The following CCDC18 variants were observed in gnomAD, a reference collection of about 807,000 sequenced individuals.
CCDC18 encodes coiled-coil domain containing 18.
CCDC18 carries 157 observed loss-of-function variants against 196.0 expected under a neutral mutation model. The ratio of observed to expected loss-of-function variants is 0.80; its 90% CI spans 0.70 to 0.91. The LOEUF (loss-of-function observed/expected upper bound fraction) is 0.91, where lower values mean the gene tolerates loss of function less well. Ranked by LOEUF, CCDC18 falls within the 40% of genes least tolerant of loss-of-function variation. The pLI is 0.00. For synonymous variants in CCDC18, 482 were observed against 529.2 expected (o/e 0.91, Z 1.22); for missense variants, 1,465 against 1,611.6 (o/e 0.91, Z 1.56).
chr1:93,267,278 G>T (rs548926021), intron 27 of CCDC18, among the ~76,000 whole-genome samples: 17 of 152,236 alleles, frequency 1.1e-4, no homozygotes, highest in African/African-American at 4.1e-4. Flanking sequence ...ACTAGGTATT[G>T]ATGGGACATA....
chr1:93,274,365 G>A (rs1665516404), intron 28 of CCDC18, among the ~76,000 whole-genome samples: 1 of 152,046 alleles, frequency 6.6e-6, no homozygotes, highest in South Asian at 2.1e-4. Flanking sequence ...CTGCGCCACA[G>A]CACTCCAGCC....
chr1:93,263,787 C>T (rs746640308), intron 26 of CCDC18, among the ~76,000 whole-genome samples: 69 of 152,314 alleles, frequency 4.5e-4, no homozygotes, highest in Admixed American at 1.4e-3. Context: ...TAGTACCCCA[C>T]TATTCTGATA....
intron 8 of CCDC18, 41 bp downstream of exon 8, chr1:93,205,672 A>C: frequency 6.5e-7 from 1 of 1,543,282 alleles, no homozygotes. Flanking sequence ...TTGTGTGGAC[A>C]TGGAAAAAAC....
At chr1:93,239,496 A>G in intron 20 of CCDC18, 23 bp downstream of exon 20, 3 of 1,587,564 alleles carry the variant, frequency 1.9e-6, no homozygotes, top group Non-Finnish European at 2.6e-6. Context: ...TTAGATGAGT[A>G]TAGCTGCCTA....
intron 24 of CCDC18, among the ~76,000 whole-genome samples, chr1:93,255,218 T>A (rs2101072965): frequency 6.6e-6 from 1 of 152,238 alleles, no homozygotes; most frequent in East Asian, 1.9e-4. Context: ...CCCAAAGTGC[T>A]GGGATTACAG....
intron 13 of CCDC18, among the ~76,000 whole-genome samples, chr1:93,216,968 T>A (rs1022214058): frequency 6.9e-6 from 1 of 145,310 alleles, no homozygotes; most frequent in East Asian, 2.1e-4. Context: ...AGAGTCTCAC[T>A]CCGTCGCCCA....
At chr1:93,241,409 T>C (rs945572616) in intron 21 of CCDC18, among the ~76,000 whole-genome samples, 5 of 152,088 alleles carry the variant, frequency 3.3e-5, no homozygotes, top group African/African-American at 1.2e-4. Flanking sequence ...TTTCCAAAAA[T>C]AGATTTAAGT....
chr1:93,201,107 CAGAG>C (rs1251860282), intron 6 of CCDC18, among the ~76,000 whole-genome samples: 1 of 152,028 alleles, frequency 6.6e-6, no homozygotes, highest in Non-Finnish European at 1.5e-5. Context: ...AAATAACCAA[CAGAG>C]AGAATGAAAA....
At chr1:93,262,833 T>G (rs1214852888) in intron 26 of CCDC18, among the ~76,000 whole-genome samples, 2 of 151,854 alleles carry the variant, frequency 1.3e-5, no homozygotes, top group African/African-American at 4.8e-5. Context: ...TTAGTAGAGG[T>G]TCTCCATGAG....
At position 93,189,623 on chromosome 1, in the gene CCDC18, G is replaced by A. The variant is rs993523067; in HGVS notation, c.463-2377G>A. 3.3e-4 allele frequency among the ~76,000 whole-genome samples: 50 copies of A among 152,006 alleles called. 1 individual carries two copies. ...AAGATTCCCTTTTTTCCACATTCAT[G>A]CAAACATTTGTTATTACCTGTCTTT... On this transcript the variant is annotated intron_variant, in intron 4 of 28. Coordinates refer to ENST00000690025, the MANE Select transcript of CCDC18 (RefSeq NM_001378204.1).
At chr1:93,217,202 G>C (rs1040107802) in intron 13 of CCDC18, among the ~76,000 whole-genome samples, 9 of 152,018 alleles carry the variant, frequency 5.9e-5, no homozygotes, top group African/African-American at 2.2e-4. Flanking sequence ...CCAAAGTGTT[G>C]GGATTACAGG....
chr1:93,211,988 C>T (rs1159437779), intron 10 of CCDC18, 113 bp from the exon 11 acceptor site: 1 of 894,672 alleles, frequency 1.1e-6, no homozygotes, highest in African/African-American at 1.7e-5. Flanking sequence ...AAAGAGTTGA[C>T]TAATATTAGA....
At chr1:93,274,547 A>C (rs1326302677) in intron 28 of CCDC18, among the ~76,000 whole-genome samples, 1 of 152,100 alleles carries the variant, frequency 6.6e-6, no homozygotes, top group Non-Finnish European at 1.5e-5. Context: ...TGCCAAATTA[A>C]AATATTCAAA....
chr1:93,274,810 G>A (rs79107417), intron 28 of CCDC18, among the ~76,000 whole-genome samples: 2,302 of 152,296 alleles, frequency 0.015, 37 homozygotes, highest in Admixed American at 0.045. Context: ...ATGCAATGCA[G>A]CAAGAACCCA....
intron 7 of CCDC18, among the ~76,000 whole-genome samples, chr1:93,203,237 G>A (rs1420039676): frequency 1.3e-5 from 2 of 152,256 alleles, no homozygotes; most frequent in East Asian, 1.9e-4. Context: ...GAAGAATATA[G>A]GATATTTTTA....
At chr1:93,189,126 C>T (rs963745034) in intron 4 of CCDC18, among the ~76,000 whole-genome samples, 1 of 152,228 alleles carries the variant, frequency 6.6e-6, no homozygotes, top group African/African-American at 2.4e-5. Flanking sequence ...ACCCCAACAA[C>T]TGCCCTTCCC....
intron 16 of CCDC18, among the ~76,000 whole-genome samples, chr1:93,224,259 T>C (rs1316603185): frequency 6.6e-6 from 1 of 152,120 alleles, no homozygotes; most frequent in Non-Finnish European, 1.5e-5. Flanking sequence ...ACCTCCCTTT[T>C]GCCAAACCGC....
At chr1:93,190,783 A>G (rs1651621396) in intron 4 of CCDC18, 2 of 664,832 alleles carry the variant, frequency 3.0e-6, no homozygotes, top group East Asian at 2.8e-5. Flanking sequence ...ACCTCCTCCC[A>G]GTTGAGAAAG....
At chr1:93,208,744 G>A (rs1254854599) in intron 9 of CCDC18, among the ~76,000 whole-genome samples, 4 of 151,916 alleles carry the variant, frequency 2.6e-5, no homozygotes, top group East Asian at 1.9e-4. Context: ...TTGGCTCATC[G>A]CAACCTCTGC....
Sources: gnomAD v4.1 joint callset for allele counts (sites outside exome capture counted in the v4.1 genomes callset) on GRCh38, gnomAD v4.1.1 for gene constraint, MANE v1.5 for transcripts, NCBI Gene and HGNC (gene_info 2026-07-23, HGNC 2026-07-21) for gene names.